Variants in MAST4 observed in about 807,000 individuals in gnomAD.
MAST4 encodes the protein microtubule associated serine/threonine kinase family member 4.
Under a neutral mutation model 162.7 loss-of-function variants are expected in MAST4, and 89 were observed. The observed-to-expected ratio is 0.55, with a 90% CI of 0.46 to 0.65. MAST4 has a LOEUF of 0.65. MAST4 is among the 30% of genes least tolerant of loss of function. The pLI is 0.00. For missense variants in MAST4, 3,153 were observed against 3,374.0 expected (o/e 0.93, Z 1.62); for synonymous variants, 1,479 against 1,361.1 (o/e 1.09, Z -1.91).
At chr5:66,919,931 TC>T (rs1456873883) in intron 4 of MAST4, among the ~76,000 whole-genome samples, 9 of 130,066 alleles carry the variant, frequency 6.9e-5, no homozygotes, top group South Asian at 5.5e-4. Flanking sequence ...CTTCCTTCCT[TC>T]CTTCCTTCCT....
chr5:67,029,032 T>C (rs945203595), intron 4 of MAST4, among the ~76,000 whole-genome samples: 4 of 151,920 alleles, frequency 2.6e-5, no homozygotes, highest in Non-Finnish European at 2.9e-5. Context: ...CTACCTGAGA[T>C]GCTGAAGTGA....
intron 1 of MAST4, among the ~76,000 whole-genome samples, chr5:66,648,081 T>TGAGAGAGAGA (rs1186334483): frequency 9.8e-6 from 1 of 102,458 alleles, no homozygotes; most frequent in African/African-American, 4.5e-5. Context: ...TGTGTGTGTG[T>TGAGAGAGAGA]GTGAGAGAGA....
At chr5:66,781,271 T>C (rs184849602) in intron 2 of MAST4, among the ~76,000 whole-genome samples, 134 of 152,326 alleles carry the variant, frequency 8.8e-4, no homozygotes, top group African/African-American at 3.2e-3. Context: ...GGTGAGAATG[T>C]CCCTGCTCCC....
chr5:67,095,384 A>G (rs1252737214), intron 6 of MAST4, among the ~76,000 whole-genome samples: 1 of 152,184 alleles, frequency 6.6e-6, no homozygotes, highest in Non-Finnish European at 1.5e-5. Context: ...GGATCAACCC[A>G]TTCCCTTTCT....
At chr5:67,090,106 T>C (rs1763663535) in intron 5 of MAST4, 56 bp from the exon 6 acceptor site, 3 of 1,161,116 alleles carry the variant, frequency 2.6e-6, no homozygotes, top group African/African-American at 3.0e-5. Context: ...GAATTATTGA[T>C]GTGGAAATGA....
At chr5:67,026,474 G>A (rs1439040098) in intron 4 of MAST4, among the ~76,000 whole-genome samples, 3 of 152,144 alleles carry the variant, frequency 2.0e-5, no homozygotes, top group African/African-American at 7.2e-5. Context: ...AGATTGATTT[G>A]TCTATCTGCT....
chr5:66,775,056 G>A (rs1754533906), intron 2 of MAST4, among the ~76,000 whole-genome samples: 1 of 150,672 alleles, frequency 6.6e-6, no homozygotes, highest in Non-Finnish European at 1.5e-5. Context: ...TTTTCCCCCT[G>A]TAGCTGCTTA....
At chr5:67,077,228 T>A (rs962669220) in intron 5 of MAST4, among the ~76,000 whole-genome samples, 6 of 152,174 alleles carry the variant, frequency 3.9e-5, no homozygotes, top group African/African-American at 1.4e-4. Context: ...GTAGTGTTTC[T>A]GAAACTTGAA....
intron 26 of MAST4, among the ~76,000 whole-genome samples, chr5:67,155,964 A>G (rs1040692061): frequency 3.3e-5 from 5 of 151,752 alleles, no homozygotes; most frequent in African/African-American, 1.2e-4. Flanking sequence ...GGAGGCTGAG[A>G]CAGAGAATTT....
intron 4 of MAST4, among the ~76,000 whole-genome samples, chr5:66,951,636 G>GTGTGTGTGTGTGTA (rs1744712658): frequency 1.4e-5 from 2 of 145,280 alleles, no homozygotes; most frequent in Non-Finnish European, 3.0e-5. Flanking sequence ...GTGTGTGTGT[G>GTGTGTGTGTGTGTA]TGTGTGTGTG....
Position 67,165,346 on chromosome 5 carries a change from G to A in MAST4, c.6167G>A (p.Arg2056Lys). The A allele has an allele frequency of 6.2e-7, 1 of 1,613,684 alleles. No individual in the cohort carries two copies. The highest frequency in any genetic ancestry group is 8.5e-7 in the Non-Finnish European group (1 of 1,179,870). The change falls in exon 29 of 29, where the codon AGA (arginine) becomes AAA (lysine). Residue 2056 changes from arginine to lysine, a missense_variant. Coordinates refer to ENST00000403625, the MANE Select transcript of MAST4 (RefSeq NM_001164664.2). ...DGPGEARPPP[R>K]DNSSLHSAGI... is the part of the protein sequence containing the mutation. ...CCAGGTGAGGCGAGGCCCCCGCCCA[G>A]AGACAACTCCTCTCTGCACTCAGCT...
At chr5:66,842,711 C>G (rs1042397977) in intron 3 of MAST4, among the ~76,000 whole-genome samples, 4 of 152,058 alleles carry the variant, frequency 2.6e-5, no homozygotes, top group Non-Finnish European at 5.9e-5. Context: ...GTGGTGGAGG[C>G]GAGATGAGAG....
chr5:66,908,626 C>T (rs1763541174), intron 4 of MAST4, among the ~76,000 whole-genome samples: 1 of 152,048 alleles, frequency 6.6e-6, no homozygotes, highest in East Asian at 1.9e-4. Flanking sequence ...TTTAGCAAAT[C>T]AGAATAAAGT....
In MAST4 at chr5:66,883,422, G is replaced by GT. The variant is rs36071165; in HGVS notation, c.643-16504dup. ...GGCACAGTTGTGTTGTTCTGTCACT[G>GT]TTTTTTTTTTTTTTTTTTTTTTTTT... On this transcript the variant is annotated intron_variant, in intron 3 of 28. Transcript: ENST00000403625. Among the ~76,000 whole-genome samples the GT allele has an allele frequency of 3.5e-3, 337 of 97,230 alleles. 4 individuals carry two copies. Among genetic ancestry groups the GT allele is most frequent in the African/African-American group, 0.01 (254 of 24,752 alleles). 63.8% of individuals were successfully genotyped at this position (97,230 alleles called of 152,430 possible).
rs1266105371 is a variant in MAST4 at position 67,160,563 on chromosome 5, G to C, written c.3756G>C (p.Lys1252Asn). 6.2e-7 allele frequency: 1 copy of C among 1,613,418 alleles called. No homozygotes were observed. Among genetic ancestry groups the C allele is most frequent in the Non-Finnish European group, 8.5e-7 (1 of 1,179,696 alleles). The change falls in exon 27 of 29, where the codon AAG becomes AAC. Residue 1252 changes from lysine to asparagine, a missense_variant. Coordinates refer to ENST00000403625, the MANE Select transcript of MAST4 (RefSeq NM_001164664.2). ...AGAGCCGGATGGTGAGGCGGAGCAA[G>C]AAATCCAAGAAGAAAGAAAGTCTCG... ...SYKSRMVRRSKKSKKKESLER... is the reference protein window; with the variant it reads ...SYKSRMVRRSNKSKKKESLER...
chr5:67,163,649 T>C lies in MAST4; in HGVS notation c.4470T>C (p.Asp1490=). 6.2e-7 allele frequency: 1 copy of C among 1,608,068 alleles called. No individual in the cohort carries two copies. The highest frequency in any genetic ancestry group is 8.5e-7 in the Non-Finnish European group (1 of 1,177,908). ...GGGAGGCGCCGCTGCAGAGCCTGGA[T>C]GAGAACGTGTGCGACGTGCCGCCGC... ...SQREAPLQSL[D]ENVCDVPPLS... The change falls in exon 29 of 29, where the codon GAT becomes GAC. Residue 1490 remains aspartate, a synonymous_variant. Coordinates refer to ENST00000403625, the MANE Select transcript of MAST4 (RefSeq NM_001164664.2). This position sits in a 1 kb window ranked among gnomAD's most constrained non-coding sequence, Gnocchi z 7.0.
intron 3 of MAST4, among the ~76,000 whole-genome samples, chr5:66,881,045 C>T (rs1351031783): frequency 6.6e-6 from 1 of 152,166 alleles, no homozygotes; most frequent in African/African-American, 2.4e-5. Context: ...CACAGATTGA[C>T]TCTACTCATG....
chr5:66,914,267 A>G (rs1039557502), intron 4 of MAST4, among the ~76,000 whole-genome samples: 3 of 152,236 alleles, frequency 2.0e-5, no homozygotes, highest in Admixed American at 6.5e-5. Context: ...AAAGAGGACA[A>G]TGTGTAAGCT....
intron 26 of MAST4, among the ~76,000 whole-genome samples, chr5:67,157,896 G>T (rs539890332): frequency 3.4e-4 from 52 of 152,252 alleles, no homozygotes; most frequent in African/African-American, 1.2e-3. Flanking sequence ...ATATGAAAAT[G>T]GTTTAAAAAT....
Sources: gnomAD v4.1 joint callset for allele counts (sites outside exome capture counted in the v4.1 genomes callset) on GRCh38, gnomAD v4.1.1 for gene constraint, Gnocchi (gnomAD v3.1) non-coding constraint, MANE v1.5 for transcripts, NCBI Gene and HGNC (gene_info 2026-07-23, HGNC 2026-07-21) for gene names.